UBE2D3: variants seen among roughly 807,000 people sequenced by gnomAD.
UBE2D3 encodes the protein ubiquitin conjugating enzyme E2 D3.
UBE2D3 carries 2 observed loss-of-function variants against 22.8 expected under a neutral mutation model. The ratio of observed to expected loss-of-function variants is 0.09; its 90% CI spans 0.04 to 0.28. The LOEUF (loss-of-function observed/expected upper bound fraction) is 0.28. Among genes scored for constraint, UBE2D3 ranks in the 10% least tolerant of loss-of-function variants. The pLI, the probability that UBE2D3 is intolerant of heterozygous loss-of-function variation, is 1.00. For synonymous variants in UBE2D3, 56 were observed against 60.4 expected (o/e 0.93, Z 0.34); for missense variants, 27 against 182.5 (o/e 0.15, Z 4.91).
chr4:102,853,619 T>C (rs1394945985), intron 1 of UBE2D3, among the ~76,000 whole-genome samples: 1 of 152,160 alleles, frequency 6.6e-6, no homozygotes, highest in Non-Finnish European at 1.5e-5. Flanking sequence ...ATAATATAAA[T>C]TTGTATTTTT....
At position 102,796,444 on chromosome 4, in the gene UBE2D3, G is replaced by A. The variant is rs1365282266; in HGVS notation, c.*971C>T. The A allele has an allele frequency of 6.6e-6, 1 of 152,362 alleles. No homozygotes were observed. The highest frequency in any genetic ancestry group is 1.5e-5 in the Non-Finnish European group (1 of 67,904). The allele number at this position is 152,362 out of a possible 1,614,324, so 9.4% of individuals were successfully genotyped here. On this transcript the variant is annotated 3_prime_UTR_variant, in exon 8 of 8. Transcript: ENST00000453744. ...CTGTAACAGACTGTGCACTTTAACTGAACATGGCAAAATATTCACTCTTTC... is the reference window on the plus strand; with the variant it reads ...CTGTAACAGACTGTGCACTTTAACTAAACATGGCAAAATATTCACTCTTTC...
intron 1 of UBE2D3, among the ~76,000 whole-genome samples, chr4:102,833,696 T>A (rs1731233913): frequency 6.6e-6 from 1 of 152,190 alleles, no homozygotes; most frequent in Admixed American, 6.6e-5. Context: ...TAAACCTGAT[T>A]CTGAAATGGA....
chr4:102,824,757 A>T (rs1315615737), intron 2 of UBE2D3, among the ~76,000 whole-genome samples: 1 of 152,232 alleles, frequency 6.6e-6, no homozygotes, highest in Non-Finnish European at 1.5e-5. Context: ...TCCACATTTT[A>T]GTGGCCTGAA....
chr4:102,827,831 G>A (rs1218059302), upstream of UBE2D3: 6 of 985,816 alleles, frequency 6.1e-6, no homozygotes, highest in Non-Finnish European at 7.2e-6. Context: ...GAAACCCTTA[G>A]GCTCAGAGAA....
chr4:102,811,563 C>A, intron 2 of UBE2D3: 1 of 279,198 alleles, frequency 3.6e-6, no homozygotes, highest in Non-Finnish European at 7.0e-6. Context: ...CGCCTGTAAT[C>A]CCAGCTACTC....
chr4:102,809,457 T>C, intron 4 of UBE2D3: 1 of 565,254 alleles, frequency 1.8e-6, no homozygotes. Flanking sequence ...TAGAGATGGC[T>C]ATACTCTAGA....
intron 1 of UBE2D3, among the ~76,000 whole-genome samples, chr4:102,844,284 T>C (rs1053202777): frequency 6.6e-6 from 1 of 152,194 alleles, no homozygotes; most frequent in Non-Finnish European, 1.5e-5. Context: ...TGCCATGTTA[T>C]ATAGGCTGGT....
chr4:102,840,972 A>G (rs1731720445), intron 1 of UBE2D3, among the ~76,000 whole-genome samples: 1 of 151,958 alleles, frequency 6.6e-6, no homozygotes, highest in Non-Finnish European at 1.5e-5. Flanking sequence ...GTGAGCTGAG[A>G]TCATGCCACT....
chr4:102,865,053 A>G (rs1733081360), intron 1 of UBE2D3, among the ~76,000 whole-genome samples: 1 of 152,248 alleles, frequency 6.6e-6, no homozygotes. Flanking sequence ...GAAGAATATA[A>G]GTTTAAAACT....
intron 1 of UBE2D3, among the ~76,000 whole-genome samples, chr4:102,837,887 G>A (rs151142873): frequency 2.0e-5 from 3 of 152,328 alleles, no homozygotes; most frequent in Non-Finnish European, 4.4e-5. Flanking sequence ...CCGGGAGGCG[G>A]AGCTTGCAGT....
At chr4:102,855,276 G>C (rs1248462038) in intron 1 of UBE2D3, among the ~76,000 whole-genome samples, 7 of 152,234 alleles carry the variant, frequency 4.6e-5, no homozygotes, top group Non-Finnish European at 7.3e-5. Context: ...AGAAGGGGTA[G>C]TAGATAACAC....
At chr4:102,863,450 T>A (rs572381075) in intron 1 of UBE2D3, among the ~76,000 whole-genome samples, 1 of 152,256 alleles carries the variant, frequency 6.6e-6, no homozygotes, top group South Asian at 2.1e-4. Context: ...ACCACCCCTA[T>A]GACCCAAACA....
chr4:102,833,955 G>A (rs531854878), intron 1 of UBE2D3, among the ~76,000 whole-genome samples: 1 of 152,300 alleles, frequency 6.6e-6, no homozygotes, highest in African/African-American at 2.4e-5. Context: ...TACTGAAGCC[G>A]AATAGGAAGA....
intron 1 of UBE2D3, among the ~76,000 whole-genome samples, chr4:102,837,673 T>C (rs1396680816): frequency 1.3e-5 from 2 of 152,038 alleles, no homozygotes; most frequent in East Asian, 1.9e-4. Flanking sequence ...ATTTTTCGGC[T>C]GGGCGCAGTG....
At chr4:102,817,633 A>C (rs1182321443) in intron 2 of UBE2D3, among the ~76,000 whole-genome samples, 1 of 152,224 alleles carries the variant, frequency 6.6e-6, no homozygotes, top group Non-Finnish European at 1.5e-5. Flanking sequence ...TCTCAACTGC[A>C]CCAAACTATT....
intron 1 of UBE2D3, chr4:102,843,416 T>C (rs1731870604): frequency 6.6e-6 from 1 of 151,024 alleles, no homozygotes; most frequent in African/African-American, 2.5e-5. Flanking sequence ...CCATCATGAA[T>C]TGTTGTTATT....
chr4:102,802,462 T>A, intron 5 of UBE2D3, 99 bp downstream of exon 5: 1 of 949,158 alleles, frequency 1.1e-6, no homozygotes, highest in South Asian at 2.2e-5. Flanking sequence ...ATTCAACATA[T>A]ATATACAGCC....
intron 1 of UBE2D3, among the ~76,000 whole-genome samples, chr4:102,844,637 C>A (rs1253990297): frequency 6.6e-6 from 1 of 152,208 alleles, no homozygotes; most frequent in Non-Finnish European, 1.5e-5. Context: ...CATCACTTGA[C>A]TTCCTTAGGT....
intron 2 of UBE2D3, chr4:102,810,844 A>T (rs1013219596): frequency 6.6e-6 from 1 of 152,034 alleles, no homozygotes; most frequent in African/African-American, 2.4e-5. Context: ...CCAATGTCTA[A>T]TAATCACAAG....
Sources: gnomAD v4.1 joint callset for allele counts (sites outside exome capture counted in the v4.1 genomes callset) on GRCh38, gnomAD v4.1.1 for gene constraint, MANE v1.5 for transcripts, NCBI Gene and HGNC (gene_info 2026-07-23, HGNC 2026-07-21) for gene names.